The following OPA1 variants were observed in gnomAD, a reference collection of about 807,000 sequenced individuals.
OPA1 encodes dynamin-like GTPase OPA1, mitochondrial.
A neutral mutation model predicts 152.9 loss-of-function variants in OPA1; 59 were observed. The observed-to-expected ratio is 0.39, with a 90% CI of 0.31 to 0.48. The LOEUF (loss-of-function observed/expected upper bound fraction) is 0.48, where lower values mean the gene tolerates loss of function less well. Ranked by LOEUF, OPA1 falls within the 20% of genes least tolerant of loss-of-function variation. The pLI is 0.96. For missense variants in OPA1, 1,008 were observed against 1,216.8 expected (o/e 0.83, Z 2.55); for synonymous variants, 400 against 389.9 (o/e 1.03, Z -0.31).
chr3:193,682,433 AAAC>A (rs1288268441), intron 29 of OPA1, among the ~76,000 whole-genome samples: 1 of 152,202 alleles, frequency 6.6e-6, no homozygotes, highest in Non-Finnish European at 1.5e-5. Flanking sequence ...TGATTATACT[AAAC>A]AACAGATTCT....
chr3:193,688,783 C>A (rs2109439902), intron 29 of OPA1, among the ~76,000 whole-genome samples: 1 of 152,066 alleles, frequency 6.6e-6, no homozygotes, highest in East Asian at 1.9e-4. Flanking sequence ...GACTTCGAGA[C>A]CAGCCTGGGC....
intron 5 of OPA1, 193 bp from the exon 6 acceptor site, chr3:193,618,672 ATAGT>A (rs749863596): frequency 7.8e-5 from 44 of 563,452 alleles, no homozygotes; most frequent in Middle Eastern, 4.6e-4. Context: ...TGCGATTGCT[ATAGT>A]TAGTTTTTTT....
At chr3:193,667,811 A>G (rs1349924607) in intron 29 of OPA1, among the ~76,000 whole-genome samples, 1 of 152,172 alleles carries the variant, frequency 6.6e-6, no homozygotes, top group African/African-American at 2.4e-5. Context: ...ATAGCAACCG[A>G]ACATTGATAA....
At chr3:193,692,026 G>GA in intron 29 of OPA1, 37 bp from the exon 30 acceptor site, 1 of 1,244,694 alleles carries the variant, frequency 8.0e-7, no homozygotes. Context: ...TGATACCTTT[G>GA]AAAAATAAAT....
At chr3:193,665,369 CAG>C (rs899615321) in intron 27 of OPA1, among the ~76,000 whole-genome samples, 1 of 151,776 alleles carries the variant, frequency 6.6e-6, no homozygotes, top group African/African-American at 2.4e-5. Flanking sequence ...GGGAGAGAGA[CAG>C]AGAGGGAAAG....
intron 28 of OPA1, 51 bp downstream of exon 28, chr3:193,666,440 G>C: frequency 2.2e-6 from 3 of 1,358,710 alleles, no homozygotes; most frequent in Non-Finnish European, 3.2e-6. Context: ...AAATAATAGT[G>C]GTAATATCCA....
intron 29 of OPA1, among the ~76,000 whole-genome samples, chr3:193,670,148 C>A (rs10937596): frequency 0.49 from 75,036 of 151,766 alleles, 18,962 homozygotes; most frequent in African/African-American, 0.56. Context: ...GAAAACTTTC[C>A]AAATTTAAGT....
At chr3:193,666,516 G>A in intron 28 of OPA1, 127 bp downstream of exon 28, 1 of 800,276 alleles carries the variant, frequency 1.2e-6, no homozygotes, top group Non-Finnish European at 2.1e-6. Context: ...GGCCAGGTGT[G>A]GTAGCTCATG....
At chr3:193,617,087 G>A in intron 3 of OPA1, 91 bp from the exon 4 acceptor site, 1 of 787,740 alleles carries the variant, frequency 1.3e-6, no homozygotes, top group East Asian at 2.6e-5. Flanking sequence ...TTGTCATGAG[G>A]ATTAAACAAG....
At chr3:193,627,337 A>G (rs1388236837) in intron 7 of OPA1, 2 of 152,178 alleles carry the variant, frequency 1.3e-5, no homozygotes, top group Non-Finnish European at 2.9e-5. Flanking sequence ...ACATAGCTAG[A>G]AAAAGAAAAG....
At chr3:193,657,961 T>C (rs905100690) in intron 23 of OPA1, among the ~76,000 whole-genome samples, 1 of 152,152 alleles carries the variant, frequency 6.6e-6, no homozygotes, top group Non-Finnish European at 1.5e-5. Flanking sequence ...TGTTTGTCTT[T>C]ATGGCCGGGC....
chr3:193,663,770 A>G (rs1434965741), intron 26 of OPA1, among the ~76,000 whole-genome samples: 1 of 152,160 alleles, frequency 6.6e-6, no homozygotes, highest in Non-Finnish European at 1.5e-5. Flanking sequence ...ACCACAGGTC[A>G]GAACAAGTAA....
intron 29 of OPA1, among the ~76,000 whole-genome samples, chr3:193,688,213 A>G (rs1046861841): frequency 6.6e-6 from 1 of 152,078 alleles, no homozygotes; most frequent in African/African-American, 2.4e-5. Flanking sequence ...GACCGTACGC[A>G]GTGATCAGGC....
At chr3:193,647,677 T>C (rs1734897893) in intron 19 of OPA1, among the ~76,000 whole-genome samples, 3 of 152,222 alleles carry the variant, frequency 2.0e-5, no homozygotes, top group Admixed American at 2.0e-4. Context: ...TGTATTACTT[T>C]CATTTCCATT....
chr3:193,630,591 CCAAT>C (rs1560352204), intron 7 of OPA1, among the ~76,000 whole-genome samples: 1 of 152,042 alleles, frequency 6.6e-6, no homozygotes, highest in African/African-American at 2.4e-5. Flanking sequence ...GCTTAAATAA[CCAAT>C]GAATGAAGAT....
intron 29 of OPA1, among the ~76,000 whole-genome samples, chr3:193,688,367 G>C (rs1721198828): frequency 6.8e-6 from 1 of 147,646 alleles, no homozygotes; most frequent in South Asian, 2.2e-4. Flanking sequence ...GCATATTATG[G>C]AGTGTCCGGT....
At chr3:193,645,462 T>G in intron 16 of OPA1, 91 bp from the exon 17 acceptor site, 1 of 869,710 alleles carries the variant, frequency 1.1e-6, no homozygotes, top group Non-Finnish European at 1.9e-6. Flanking sequence ...TATACATGTA[T>G]AGCATTATTT....
chr3:193,651,585 C>T (rs2109105540), intron 21 of OPA1, among the ~76,000 whole-genome samples: 1 of 151,988 alleles, frequency 6.6e-6, no homozygotes, highest in Non-Finnish European at 1.5e-5. Context: ...TTTATGTGTC[C>T]CATTTGGAAT....
chr3:193,600,565 C>G (rs192282284), intron 1 of OPA1, among the ~76,000 whole-genome samples: 150 of 152,212 alleles, frequency 9.9e-4, no homozygotes, highest in Admixed American at 1.7e-3. Flanking sequence ...CCAAATCAGC[C>G]AAGTTAAGGT....
Sources: allele counts gnomAD v4.1 joint callset (sites outside exome capture counted in the v4.1 genomes callset), GRCh38; gene constraint gnomAD v4.1.1; transcripts MANE v1.5; gene names NCBI Gene and HGNC (gene_info 2026-07-23, HGNC 2026-07-21).